LIMS2: variants seen among roughly 807,000 people sequenced by gnomAD.
LIMS2 encodes the protein LIM and senescent cell antigen-like-containing domain protein 2.
A neutral mutation model predicts 45.3 loss-of-function variants in LIMS2; 30 were observed. The ratio of observed to expected loss-of-function variants is 0.66; its 90% CI spans 0.50 to 0.90. LIMS2 has a LOEUF of 0.90. Ranked by LOEUF, LIMS2 falls within the 40% of genes least tolerant of loss-of-function variation. The pLI is 0.00. For missense variants in LIMS2, 485 were observed against 468.7 expected (o/e 1.03, Z -0.32); for synonymous variants, 173 against 188.0 (o/e 0.92, Z 0.65).
chr2:127,642,049 C>G lies in LIMS2; in HGVS notation c.660G>C (p.Glu220Asp). The change falls in exon 6 of 10, where the codon GAG (glutamate) becomes GAC (aspartate). Residue 220 changes from glutamate (E) to aspartate (D), a missense_variant and splice_region_variant. Coordinates refer to ENST00000355119, the MANE Select transcript of LIMS2 (RefSeq NM_001161403.3). The surrounding 1 kb of genome is among the most constrained non-coding windows in gnomAD (Gnocchi z 5.3). ...CCACGTGTCCACCAGCCTGGCTCAC[C>G]TCCACGTGCCACTGCTTGCCCAGCG... The part of the protein sequence containing the change: ...VNALGKQWHV[E>D]HFVCAKCEKP... 6 of 1,611,116 alleles carry G rather than the reference C, an allele frequency of 3.7e-6. No individual in the cohort carries two copies. Among genetic ancestry groups the G allele is most frequent in the Non-Finnish European group, 5.1e-6 (6 of 1,179,080 alleles).
intron 4 of LIMS2, among the ~76,000 whole-genome samples, chr2:127,644,535 C>T (rs1682759644): frequency 6.6e-6 from 1 of 152,174 alleles, no homozygotes; most frequent in South Asian, 2.1e-4. Flanking sequence ...CAGCCCATGC[C>T]CCCTGCGGTG....
At chr2:127,677,165 G>A (rs1685521987), upstream of LIMS2, among the ~76,000 whole-genome samples, 2 of 152,158 alleles carry the variant, frequency 1.3e-5, no homozygotes, top group Admixed American at 1.3e-4. The surrounding 1 kb of genome is among the most constrained non-coding windows in gnomAD (Gnocchi z 5.0). Flanking sequence ...CAGCCAAGAG[G>A]GCAGAGTTGC....
intron 8 of LIMS2, 23 bp downstream of exon 8, chr2:127,640,247 G>T (rs1269399785): frequency 6.2e-7 from 1 of 1,613,176 alleles, no homozygotes; most frequent in East Asian, 2.2e-5. Context: ...AGGTGGGGTG[G>T]GGGAGGGAAC....
In LIMS2 at chr2:127,650,792, G is replaced by A. The variant is rs61738383; in HGVS notation, c.359+3632C>T. On this transcript the variant is annotated intron_variant, in intron 4 of 9. Coordinates refer to ENST00000355119, the MANE Select transcript of LIMS2 (RefSeq NM_001161403.3). ...TGATCACCAACTTCTCCCTGGCCAC[G>A]GCAGAGCAATGTGGCCAGGAGACGC... 5.6e-4 allele frequency: 905 copies of A among 1,613,186 alleles called. 5 individuals are homozygous for A. In the African/African-American group the frequency reaches 8.4e-3, roughly 15 times the overall value.
In LIMS2 at chr2:127,638,491, C is replaced by G. The variant is rs988954423; in HGVS notation, c.*790G>C. ...AAACAAACACCAGGTCTGCGCTGGC[C>G]GAAGACGAAGCGTCCTCCCTGGAGG... On this transcript the variant is annotated 3_prime_UTR_variant, in exon 10 of 10. Coordinates refer to ENST00000355119, the MANE Select transcript of LIMS2 (RefSeq NM_001161403.3). 8 of 152,640 alleles carry G rather than the reference C, an allele frequency of 5.2e-5. No individual in the cohort carries two copies. Among genetic ancestry groups the G allele is most frequent in the Non-Finnish European group, 8.8e-5 (6 of 68,114 alleles). 9.5% of individuals were successfully genotyped at this position (152,640 alleles called of 1,614,324 possible).
chr2:127,674,935 T>TA, intron 1 of LIMS2, 79 bp downstream of exon 1: 1 of 1,223,100 alleles, frequency 8.2e-7, no homozygotes, highest in Non-Finnish European at 1.0e-6. Context: ...CGCGGGGCTG[T>TA]ACGAGGGCGA....
chr2:127,648,381 G>T, intron 4 of LIMS2: 1 of 175,734 alleles, frequency 5.7e-6, no homozygotes, highest in Non-Finnish European at 1.1e-5. Flanking sequence ...AGGTGCTCGG[G>T]CCAGCCCTCA....
chr2:127,643,140 G>T, intron 4 of LIMS2, 68 bp from the exon 5 acceptor site: 1 of 1,494,248 alleles, frequency 6.7e-7, no homozygotes, highest in Non-Finnish European at 9.0e-7. Flanking sequence ...TCCAGGAGAA[G>T]AGAGGCCAGA....
chr2:127,664,539 C>T lies in LIMS2; in HGVS notation c.12-6977G>A, dbSNP rs1684895811. On this transcript the variant is annotated intron_variant, in intron 1 of 9. Coordinates refer to ENST00000355119, the MANE Select transcript of LIMS2 (RefSeq NM_001161403.3). This position sits in a 1 kb window ranked among gnomAD's most constrained non-coding sequence, Gnocchi z 5.5. ...CTCCCCCGCGCTGGTCGCGAGCTCACGTTACGCGCTGGGATCTCCAAAGGG... is the reference window on the plus strand; with the variant it reads ...CTCCCCCGCGCTGGTCGCGAGCTCATGTTACGCGCTGGGATCTCCAAAGGG... 8.7e-7 allele frequency: 1 copy of T among 1,150,878 alleles called. No individual in the cohort carries two copies. The highest frequency in any genetic ancestry group is 1.1e-6 in the Non-Finnish European group (1 of 936,544). The allele number at this position is 1,150,878 out of a possible 1,614,324, so 71.3% of individuals were successfully genotyped here.
At position 127,651,532 on chromosome 2, in the gene LIMS2, G is replaced by A. The variant is rs762775820; in HGVS notation, c.359+2892C>T. The A allele has an allele frequency of 4.3e-6, 7 of 1,612,544 alleles. No homozygotes were observed. In the South Asian group the frequency reaches 4.4e-5, roughly 10 times the overall value. On this transcript the variant is annotated intron_variant, in intron 4 of 9. Transcript: ENST00000355119. ...TACGTGCTGCACTACCGCAGCCATG[G>A]GGCCTCCTGCGCCACCCAGCGCATC...
intron 4 of LIMS2, chr2:127,648,054 TC>T: frequency 1.0e-6 from 1 of 985,786 alleles, no homozygotes; most frequent in South Asian, 4.7e-5. Flanking sequence ...TCTTCGGCCC[TC>T]AGCTCTCCGC....
Position 127,664,450 on chromosome 2 carries a change from C to T in LIMS2, c.12-6888G>A. 8.4e-7 allele frequency: 1 copy of T among 1,187,588 alleles called. No homozygotes were observed. Among genetic ancestry groups the T allele is most frequent in the Non-Finnish European group, 1.0e-6 (1 of 959,636 alleles). 73.6% of individuals were successfully genotyped at this position (1,187,588 alleles called of 1,614,324 possible). Reference sequence around the variant, plus strand: ...CCGCCTGGTGCAGGGGCTATGGGACCACCTCGGAGGGGAGGCGCGGCCGCC... The same window carrying T: ...CCGCCTGGTGCAGGGGCTATGGGACTACCTCGGAGGGGAGGCGCGGCCGCC... On this transcript the variant is annotated intron_variant, in intron 1 of 9. Coordinates refer to ENST00000355119, the MANE Select transcript of LIMS2 (RefSeq NM_001161403.3). This position sits in a 1 kb window ranked among gnomAD's most constrained non-coding sequence, Gnocchi z 5.5.
In LIMS2 at chr2:127,642,240, T is replaced by C; in HGVS notation, c.510-41A>G. Reference sequence around the variant, plus strand: ...CAGCCCCCAGGTGCCACCCCTGCCCTTCTGCAGGGTCATGCCAGCAGCGCC... The same window carrying C: ...CAGCCCCCAGGTGCCACCCCTGCCCCTCTGCAGGGTCATGCCAGCAGCGCC... On this transcript the variant is annotated intron_variant, in intron 5 of 9. Transcript: ENST00000355119. The surrounding 1 kb of genome is among the most constrained non-coding windows in gnomAD (Gnocchi z 5.3). 6.8e-7 allele frequency: 1 copy of C among 1,462,692 alleles called. No individual in the cohort carries two copies. Among genetic ancestry groups the C allele is most frequent in the Admixed American group, 2.2e-5 (1 of 44,634 alleles). 90.6% of individuals were successfully genotyped at this position (1,462,692 alleles called of 1,614,324 possible). A position where few individuals can be genotyped will look rare whatever the true frequency, so the allele number is the denominator to read the frequency against.
chr2:127,651,418 G>T (rs778865404), intron 4 of LIMS2: 2 of 1,612,774 alleles, frequency 1.2e-6, no homozygotes, highest in Non-Finnish European at 1.7e-6. Flanking sequence ...GTGGAGAAGC[G>T]CCTCAAGACC....
chr2:127,643,390 C>A, intron 4 of LIMS2: 1 of 488,774 alleles, frequency 2.0e-6, no homozygotes, highest in Non-Finnish European at 4.0e-6. Context: ...TAATTGATAT[C>A]TGCTGAAAGC....
chr2:127,662,628 G>A (rs1200577752), intron 1 of LIMS2, among the ~76,000 whole-genome samples: 1 of 110,246 alleles, frequency 9.1e-6, no homozygotes, highest in Non-Finnish European at 1.9e-5. Context: ...AGAGGCTCTT[G>A]TGGGGTGGGG....
At chr2:127,655,581 G>C (rs1428656278) in intron 2 of LIMS2, 1 of 153,568 alleles carries the variant, frequency 6.5e-6, no homozygotes, top group Non-Finnish European at 1.4e-5. Context: ...CCTACCCAGT[G>C]ACCTGTAGAG....
intron 3 of LIMS2, 122 bp from the exon 4 acceptor site, chr2:127,654,666 G>A: frequency 1.3e-6 from 2 of 1,523,782 alleles, no homozygotes; most frequent in South Asian, 1.2e-5. Flanking sequence ...CTCCCTCGTG[G>A]GATGGTGATG....
Position 127,675,007 on chromosome 2 carries a change from C to T in LIMS2, c.11+7G>A. 1 of 1,229,784 alleles carries T rather than the reference C, an allele frequency of 8.1e-7. No individual in the cohort carries two copies. The highest frequency in any genetic ancestry group is 1.0e-6 in the Non-Finnish European group (1 of 985,606). The allele number at this position is 1,229,784 out of a possible 1,614,324, so 76.2% of individuals were successfully genotyped here. On this transcript the variant is annotated splice_region_variant and intron_variant, in intron 1 of 9. Transcript: ENST00000355119. The stretch of plus-strand genomic sequence containing the variant: ...CCCGGCCCGGGGGCGTGGGTGGGGG[C>T]CGTTACCTTCCCGTCATGGTGGCAG...
Sources: allele counts gnomAD v4.1 joint callset (sites outside exome capture counted in the v4.1 genomes callset), GRCh38; gene constraint gnomAD v4.1.1; non-coding constraint Gnocchi (gnomAD v3.1); transcripts MANE v1.5; gene names NCBI Gene and HGNC (gene_info 2026-07-23, HGNC 2026-07-21).